IGSF11: variants seen among roughly 807,000 people sequenced by gnomAD.
IGSF11 encodes the protein immunoglobulin superfamily member 11.
A neutral mutation model predicts 41.0 loss-of-function variants in IGSF11; 22 were observed. The ratio of observed to expected loss-of-function variants is 0.54; its 90% CI spans 0.38 to 0.77. The LOEUF (loss-of-function observed/expected upper bound fraction) is 0.77. IGSF11 is among the 30% of genes least tolerant of loss of function. IGSF11 has a pLI of 0.00. For synonymous variants in IGSF11, 219 were observed against 201.3 expected (o/e 1.09, Z -0.74); for missense variants, 444 against 530.8 (o/e 0.84, Z 1.61).
chr3:118,953,345 C>T (rs1944716130), intron 1 of IGSF11, among the ~76,000 whole-genome samples: 3 of 152,176 alleles, frequency 2.0e-5, no homozygotes, highest in Admixed American at 2.0e-4. Context: ...ACAAATTGTG[C>T]TGCTATAAAC....
chr3:118,953,361 T>A (rs1406012353), intron 1 of IGSF11, among the ~76,000 whole-genome samples: 1 of 152,222 alleles, frequency 6.6e-6, no homozygotes, highest in African/African-American at 2.4e-5. Context: ...TAAACACACA[T>A]GTGAAAGTAT....
chr3:119,011,945 C>CTCTCTG (rs144200736), intron 1 of IGSF11, among the ~76,000 whole-genome samples: 1 of 148,592 alleles, frequency 6.7e-6, no homozygotes, highest in African/African-American at 2.5e-5. Flanking sequence ...ATATAGTGTT[C>CTCTCTG]TGTGTGTGTG....
chr3:118,979,474 A>G (rs1017614299), intron 1 of IGSF11, among the ~76,000 whole-genome samples: 2 of 152,158 alleles, frequency 1.3e-5, no homozygotes, highest in African/African-American at 4.8e-5. Flanking sequence ...AAACTAGATA[A>G]TCATGCAAAA....
intron 6 of IGSF11, 57 bp from the exon 7 acceptor site, chr3:118,903,018 C>T (rs1576310813): frequency 1.4e-6 from 2 of 1,481,202 alleles, no homozygotes; most frequent in East Asian, 4.6e-5. Context: ...ATCCTATCCT[C>T]CTACCCTGGA....
intron 4 of IGSF11, among the ~76,000 whole-genome samples, chr3:118,925,157 T>C (rs1942177884): frequency 6.6e-6 from 1 of 152,172 alleles, no homozygotes; most frequent in Non-Finnish European, 1.5e-5. Flanking sequence ...TCCATCAACA[T>C]TTGCTGGGAT....
intron 1 of IGSF11, among the ~76,000 whole-genome samples, chr3:119,031,762 A>C (rs1940423002): frequency 6.6e-6 from 1 of 152,228 alleles, no homozygotes; most frequent in South Asian, 2.1e-4. Context: ...GATTTTTACT[A>C]ACAGGTGAAT....
chr3:118,912,053 G>T (rs1256489109), intron 4 of IGSF11, among the ~76,000 whole-genome samples: 1 of 152,100 alleles, frequency 6.6e-6, no homozygotes, highest in Non-Finnish European at 1.5e-5. Flanking sequence ...TCTAGTTTCA[G>T]AAAATGTTAA....
intron 1 of IGSF11, among the ~76,000 whole-genome samples, chr3:118,973,723 T>C (rs1487203393): frequency 6.6e-6 from 1 of 152,134 alleles, no homozygotes; most frequent in East Asian, 1.9e-4. Flanking sequence ...CCTTAAAGGA[T>C]TTAAGACTTA....
At chr3:119,099,423 G>A (rs981844330) in intron 1 of IGSF11, among the ~76,000 whole-genome samples, 7 of 152,138 alleles carry the variant, frequency 4.6e-5, no homozygotes, top group African/African-American at 1.7e-4. Context: ...TAATTCTATT[G>A]GTGGTACAAA....
chr3:119,095,585 C>T (rs1297960257), intron 1 of IGSF11, among the ~76,000 whole-genome samples: 1 of 152,130 alleles, frequency 6.6e-6, no homozygotes, highest in Non-Finnish European at 1.5e-5. Context: ...CATGAGATTC[C>T]TAGATAGGGA....
intron 1 of IGSF11, among the ~76,000 whole-genome samples, chr3:119,005,084 A>T (rs1037114476): frequency 5.7e-4 from 85 of 148,044 alleles, no homozygotes; most frequent in Admixed American, 1.5e-3. Context: ...CCCATTATTA[A>T]TGTTTGGGAG....
chr3:119,137,622 C>T (rs528514911), intron 1 of IGSF11, among the ~76,000 whole-genome samples: 38 of 152,158 alleles, frequency 2.5e-4, no homozygotes, highest in African/African-American at 9.2e-4. Context: ...CAAAAGAAAA[C>T]TTTGGGGAAA....
intron 1 of IGSF11, among the ~76,000 whole-genome samples, chr3:119,055,961 C>T (rs531007641): frequency 1.3e-5 from 2 of 152,246 alleles, no homozygotes; most frequent in South Asian, 4.1e-4. Flanking sequence ...CTCTGGGACA[C>T]GTTCAAAGCA....
chr3:119,062,847 C>A (rs1202117518), intron 1 of IGSF11, among the ~76,000 whole-genome samples: 1 of 152,114 alleles, frequency 6.6e-6, no homozygotes, highest in Non-Finnish European at 1.5e-5. Flanking sequence ...CCACCCTCTG[C>A]TTCTCAAGGC....
intron 4 of IGSF11, among the ~76,000 whole-genome samples, chr3:118,925,668 C>T (rs1200433933): frequency 6.6e-6 from 1 of 152,096 alleles, no homozygotes; most frequent in Non-Finnish European, 1.5e-5. Flanking sequence ...TTTACTCTTT[C>T]TTATCTTCCT....
chr3:118,914,205 G>C (rs372614943), intron 4 of IGSF11, among the ~76,000 whole-genome samples: 2 of 152,182 alleles, frequency 1.3e-5, no homozygotes, highest in Non-Finnish European at 2.9e-5. Context: ...GATATGGGAA[G>C]AGGGGGCATA....
intron 1 of IGSF11, among the ~76,000 whole-genome samples, chr3:119,002,199 G>T (rs1427323986): frequency 1.5e-5 from 2 of 135,276 alleles, no homozygotes; most frequent in African/African-American, 3.1e-5. Context: ...TAGTGGTTTT[G>T]ATTTGCATTT....
rs561579900 is a variant in IGSF11, at chr3:118,914,263, C to T, written c.581-8545G>A. On this transcript the variant is annotated intron_variant, in intron 4 of 6. Transcript: ENST00000393775. ...AAAATCGGGGAGGAGCCAAGATGGC[C>T]GAATAGGAACAGCTCCGGTCTACAG... is the stretch of plus-strand genomic sequence containing the variant. Among the ~76,000 whole-genome samples the T allele has an allele frequency of 7.5e-4, 114 of 152,032 alleles. 1 individual carries two copies. In the East Asian group the frequency reaches 0.017, roughly 23 times the overall value.
At chr3:119,121,162 G>GA (rs918031204) in intron 1 of IGSF11, among the ~76,000 whole-genome samples, 4 of 151,766 alleles carry the variant, frequency 2.6e-5, no homozygotes, top group Non-Finnish European at 4.4e-5. Flanking sequence ...TGACACTTAT[G>GA]AAAAAAACAG....
Sources: allele counts gnomAD v4.1 joint callset (sites outside exome capture counted in the v4.1 genomes callset), GRCh38; gene constraint gnomAD v4.1.1; transcripts MANE v1.5; gene names NCBI Gene and HGNC (gene_info 2026-07-23, HGNC 2026-07-21).